The following MYO6 variants were observed in gnomAD, a reference collection of about 807,000 sequenced individuals.
MYO6 encodes myosin VI.
In MYO6, 74 loss-of-function variants were observed where a neutral mutation model predicts 178.7. The ratio of observed to expected loss-of-function variants is 0.41; its 90% CI spans 0.34 to 0.50. MYO6 has a LOEUF of 0.50. Among genes scored for constraint, MYO6 ranks in the 20% least tolerant of loss-of-function variants. The pLI is 0.09. For missense variants in MYO6, 1,330 were observed against 1,547.4 expected (o/e 0.86, Z 2.36); for synonymous variants, 477 against 504.6 (o/e 0.95, Z 0.73).
At chr6:75,759,564 G>T (rs1411670964) in intron 1 of MYO6, among the ~76,000 whole-genome samples, 1 of 152,146 alleles carries the variant, frequency 6.6e-6, no homozygotes, top group East Asian at 1.9e-4. Context: ...ACCCAGCTGG[G>T]GAGCCCAGGT....
intron 11 of MYO6, among the ~76,000 whole-genome samples, chr6:75,850,107 C>T (rs1417381362): frequency 4.6e-5 from 7 of 151,996 alleles, no homozygotes; most frequent in Non-Finnish European, 1.0e-4. Flanking sequence ...ATTTTAAGCA[C>T]ATATCTTTAA....
intron 32 of MYO6, among the ~76,000 whole-genome samples, chr6:75,909,018 A>G (rs1037634074): frequency 2.6e-5 from 4 of 152,118 alleles, no homozygotes; most frequent in African/African-American, 7.2e-5. Flanking sequence ...GCTAAAAAGG[A>G]TGATGGTTAG....
chr6:75,777,608 AT>A (rs1307719975), intron 1 of MYO6, among the ~76,000 whole-genome samples: 3 of 149,632 alleles, frequency 2.0e-5, no homozygotes, highest in East Asian at 3.9e-4. Flanking sequence ...ATATATATAT[AT>A]TTTTTTTTGT....
intron 10 of MYO6, among the ~76,000 whole-genome samples, chr6:75,845,874 C>A (rs186449458): frequency 4.5e-4 from 68 of 151,812 alleles, no homozygotes; most frequent in Admixed American, 4.0e-3. Context: ...GTAATCCCAG[C>A]TACTTGGGAG....
intron 1 of MYO6, among the ~76,000 whole-genome samples, chr6:75,795,662 T>A (rs1371313674): frequency 2.0e-5 from 3 of 152,210 alleles, no homozygotes; most frequent in Non-Finnish European, 2.9e-5. Flanking sequence ...TTTATAGAAA[T>A]CTACTTTAAA....
intron 1 of MYO6, among the ~76,000 whole-genome samples, chr6:75,787,690 CT>C (rs1767729108): frequency 3.7e-5 from 1 of 27,208 alleles, no homozygotes; most frequent in Non-Finnish European, 6.2e-5. Context: ...CTCTCTCTCT[CT>C]CTCTCTCTCT....
At chr6:75,902,181 A>T (rs1779841867) in intron 30 of MYO6, among the ~76,000 whole-genome samples, 1 of 152,158 alleles carries the variant, frequency 6.6e-6, no homozygotes, top group African/African-American at 2.4e-5. Flanking sequence ...TTGGTCTAAA[A>T]TTCTCTTTTT....
At chr6:75,842,966 G>A (rs772791146) in intron 9 of MYO6, among the ~76,000 whole-genome samples, 3 of 152,166 alleles carry the variant, frequency 2.0e-5, no homozygotes, top group Admixed American at 6.6e-5. Flanking sequence ...GAACCAGGAG[G>A]CCTGATTTCC....
At chr6:75,815,145 A>G (rs541723632) in intron 1 of MYO6, among the ~76,000 whole-genome samples, 3 of 152,346 alleles carry the variant, frequency 2.0e-5, no homozygotes, top group East Asian at 3.9e-4. Context: ...GATGATGTTC[A>G]TTTGAACTAA....
chr6:75,793,937 A>G (rs1390503548), intron 1 of MYO6, among the ~76,000 whole-genome samples: 1 of 152,216 alleles, frequency 6.6e-6, no homozygotes, highest in Non-Finnish European at 1.5e-5. Flanking sequence ...TTAGCTACTT[A>G]GTGACTTTCT....
intron 25 of MYO6, among the ~76,000 whole-genome samples, 157 bp from the exon 26 acceptor site, chr6:75,889,900 G>A (rs1275462788): frequency 6.6e-6 from 1 of 152,058 alleles, no homozygotes; most frequent in African/African-American, 2.4e-5. Flanking sequence ...TTGCATATTG[G>A]AGTAGTTTTT....
chr6:75,862,609 CA>C lies in MYO6; in HGVS notation c.1563del (p.Lys521AsnfsTer2). 6.2e-7 allele frequency: 1 copy of C among 1,613,304 alleles called. No individual in the cohort carries two copies. The highest frequency in any genetic ancestry group is 8.5e-7 in the Non-Finnish European group (1 of 1,179,470). On this transcript the variant is annotated frameshift_variant, in exon 16 of 35. Coordinates refer to ENST00000369977, the MANE Select transcript of MYO6 (RefSeq NM_004999.4). LOFTEE classifies it high-confidence loss of function. ...TTTTTGAAATAGATTTAATTGAAGC[CA>C]AATTAGTGGGAATACTGGATATTTT... ...NQDCIDLIEA[K>X]LVGILDILDE...
At chr6:75,750,718 A>G (rs531241436) in intron 1 of MYO6, among the ~76,000 whole-genome samples, 1 of 151,548 alleles carries the variant, frequency 6.6e-6, no homozygotes, top group African/African-American at 2.4e-5. Context: ...GGCTGGGACT[A>G]CAGTAAGGGC....
intron 18 of MYO6, 139 bp downstream of exon 18, chr6:75,867,244 A>G (rs1258033238): frequency 1.3e-5 from 9 of 680,038 alleles, no homozygotes; most frequent in Non-Finnish European, 2.2e-5. Flanking sequence ...TGATATTTGT[A>G]TGTAAAATAT....
chr6:75,780,255 A>G (rs1423362262), intron 1 of MYO6, among the ~76,000 whole-genome samples: 1 of 152,332 alleles, frequency 6.6e-6, no homozygotes, highest in Non-Finnish European at 1.5e-5. Context: ...GGCCTCGCCA[A>G]CATGGCAAAA....
At chr6:75,761,218 G>A (rs902443634) in intron 1 of MYO6, among the ~76,000 whole-genome samples, 1 of 152,102 alleles carries the variant, frequency 6.6e-6, no homozygotes. Context: ...TGAGATGATG[G>A]AGAAAACAGG....
intron 1 of MYO6, among the ~76,000 whole-genome samples, chr6:75,810,977 A>G (rs1770641238): frequency 6.6e-6 from 1 of 151,492 alleles, no homozygotes; most frequent in Non-Finnish European, 1.5e-5. Context: ...ATTGCACTCC[A>G]GCCTGGGTGA....
Position 75,753,075 on chromosome 6 carries a change from C to T in MYO6, c.-48+3652C>T, listed in dbSNP as rs146252582. ...ATGGTCTGTGGAATATCCCTTGAGC[C>T]GCAATAGACATAAATGACAACAGTG... On this transcript the variant is annotated intron_variant, in intron 1 of 34. Transcript: ENST00000369977. 1.3e-3 allele frequency among the ~76,000 whole-genome samples: 199 copies of T among 152,062 alleles called. 1 individual carries two copies. The highest frequency in any genetic ancestry group is 4.4e-3 in the African/African-American group (184 of 41,470).
intron 30 of MYO6, among the ~76,000 whole-genome samples, chr6:75,898,986 A>G (rs1305147276): frequency 1.3e-5 from 2 of 152,220 alleles, no homozygotes; most frequent in Non-Finnish European, 2.9e-5. Context: ...GTGTTAATAT[A>G]TTAACACTTA....
Sources: gnomAD v4.1 joint callset for allele counts (sites outside exome capture counted in the v4.1 genomes callset) on GRCh38, gnomAD v4.1.1 for gene constraint, MANE v1.5 for transcripts, NCBI Gene and HGNC (gene_info 2026-07-23, HGNC 2026-07-21) for gene names.